GRIK2: variants seen among roughly 807,000 people sequenced by gnomAD.
The protein encoded by GRIK2 is glutamate receptor ionotropic, kainate 2.
A neutral mutation model predicts 100.3 loss-of-function variants in GRIK2; 32 were observed. The ratio of observed to expected loss-of-function variants is 0.32; its 90% CI spans 0.24 to 0.43. GRIK2 has a LOEUF of 0.43. GRIK2 is among the 20% of genes least tolerant of loss of function. The pLI, the probability that GRIK2 is intolerant of heterozygous loss-of-function variation, is 1.00. For synonymous variants in GRIK2, 417 were observed against 389.4 expected, an observed-to-expected ratio of 1.07 and a Z score of -0.83; for missense variants, 843 against 1,114.9, an observed-to-expected ratio of 0.76 and a Z score of 3.47.
chr6:101,990,774 G>T (rs56339456), intron 14 of GRIK2, among the ~76,000 whole-genome samples: 17,058 of 151,346 alleles, frequency 0.11, 2,686 homozygotes, highest in African/African-American at 0.35. Flanking sequence ...AAATTACAAT[G>T]GACATAAATA....
intron 14 of GRIK2, among the ~76,000 whole-genome samples, chr6:102,020,453 A>G (rs762824478): frequency 3.3e-5 from 5 of 151,946 alleles, no homozygotes; most frequent in Middle Eastern, 3.4e-3. Context: ...AGGAAACATC[A>G]GGGTAAGGAG....
intron 4 of GRIK2, among the ~76,000 whole-genome samples, chr6:101,642,417 A>G (rs1054629896): frequency 4.6e-5 from 7 of 151,778 alleles, no homozygotes; most frequent in African/African-American, 1.7e-4. Flanking sequence ...CATAGTCTCC[A>G]GAAACCACCA....
chr6:101,899,538 T>C lies in GRIK2; in HGVS notation c.1748+9675T>C, dbSNP rs141880408. ...TCTAACTTATATAAAGGATGATTTT[T>C]CTCTTTCCCCGCCTGGATATAACAT... On this transcript the variant is annotated intron_variant, in intron 12 of 16. Coordinates refer to ENST00000369134, the MANE Select transcript of GRIK2 (RefSeq NM_021956.5). 8.0e-3 allele frequency among the ~76,000 whole-genome samples: 1,211 copies of C among 152,228 alleles called. 23 individuals are homozygous for C. The highest frequency in any genetic ancestry group is 0.028 in the African/African-American group (1,147 of 41,562).
chr6:101,682,673 GT>G (rs1192999429), intron 6 of GRIK2, 67 bp downstream of exon 6: 3 of 731,696 alleles, frequency 4.1e-6, no homozygotes, highest in South Asian at 1.7e-5. Context: ...TGAAAAATAG[GT>G]TTTTTAGTAA....
intron 4 of GRIK2, among the ~76,000 whole-genome samples, chr6:101,663,901 A>G (rs1283356158): frequency 6.6e-6 from 1 of 152,142 alleles, no homozygotes; most frequent in East Asian, 1.9e-4. Context: ...ACTCCCACCA[A>G]ATCACACCAG....
chr6:101,728,829 C>A (rs1339052986), intron 7 of GRIK2, among the ~76,000 whole-genome samples: 2 of 152,036 alleles, frequency 1.3e-5, no homozygotes, highest in Non-Finnish European at 2.9e-5. Context: ...TGCCCAACCC[C>A]AAACTAATAA....
chr6:101,457,737 C>A (rs1488920197), intron 2 of GRIK2, among the ~76,000 whole-genome samples: 1 of 152,000 alleles, frequency 6.6e-6, no homozygotes, highest in African/African-American at 2.4e-5. Context: ...TCACAGTTTA[C>A]TTCTTTGAAT....
chr6:101,548,464 T>TC (rs1776355248), intron 2 of GRIK2, among the ~76,000 whole-genome samples: 1 of 152,222 alleles, frequency 6.6e-6, no homozygotes, highest in South Asian at 2.1e-4. Flanking sequence ...GTCTAACGTT[T>TC]AAGTCTTTAA....
chr6:101,494,972 TA>T (rs1362204215), intron 2 of GRIK2, among the ~76,000 whole-genome samples: 98 of 18,866 alleles, frequency 5.2e-3, no homozygotes, highest in African/African-American at 0.025. Context: ...TATATGCATT[TA>T]TATATATATA....
intron 7 of GRIK2, among the ~76,000 whole-genome samples, chr6:101,713,601 T>A (rs1215226578): frequency 1.3e-5 from 2 of 151,856 alleles, no homozygotes; most frequent in Non-Finnish European, 2.9e-5. Flanking sequence ...TTGAAGAAGC[T>A]ACTTTGACAT....
At chr6:101,429,831 A>T (rs1291672177) in intron 2 of GRIK2, among the ~76,000 whole-genome samples, 1 of 152,218 alleles carries the variant, frequency 6.6e-6, no homozygotes, top group East Asian at 1.9e-4. Context: ...GTGTGCAAAA[A>T]TATCTTACAT....
intron 12 of GRIK2, among the ~76,000 whole-genome samples, chr6:101,898,477 G>GA (rs139240098): frequency 0.032 from 4,800 of 149,464 alleles, 220 homozygotes; most frequent in African/African-American, 0.1. Context: ...ATAATTCCTT[G>GA]AAAAAAAAAT....
At chr6:101,406,706 A>G (rs375164588) in intron 2 of GRIK2, among the ~76,000 whole-genome samples, 15 of 152,294 alleles carry the variant, frequency 9.8e-5, no homozygotes, top group African/African-American at 3.6e-4. Flanking sequence ...GGAGGCTGAG[A>G]AAAGAGAGAA....
chr6:101,476,945 C>T (rs545328500), intron 2 of GRIK2, among the ~76,000 whole-genome samples: 5 of 152,182 alleles, frequency 3.3e-5, no homozygotes, highest in Admixed American at 1.3e-4. Flanking sequence ...TTAAAATATT[C>T]GAGTCTTAAG....
intron 15 of GRIK2, among the ~76,000 whole-genome samples, chr6:102,043,178 TATA>T (rs1562133874): frequency 1.3e-5 from 2 of 151,840 alleles, no homozygotes; most frequent in South Asian, 4.1e-4. Flanking sequence ...ACTAAACAGT[TATA>T]ATGTGTATAT....
intron 2 of GRIK2, among the ~76,000 whole-genome samples, chr6:101,525,300 CAGT>C (rs1370504545): frequency 6.6e-6 from 1 of 152,138 alleles, no homozygotes; most frequent in Non-Finnish European, 1.5e-5. Context: ...TCTATATTAT[CAGT>C]AGGATGAATA....
intron 2 of GRIK2, among the ~76,000 whole-genome samples, chr6:101,602,791 A>T (rs943433150): frequency 6.6e-6 from 1 of 151,718 alleles, no homozygotes; most frequent in Non-Finnish European, 1.5e-5. Flanking sequence ...TAGAATCAGT[A>T]TAGAAAGAAA....
At chr6:101,658,455 G>T (rs1002074800) in intron 4 of GRIK2, among the ~76,000 whole-genome samples, 1 of 152,150 alleles carries the variant, frequency 6.6e-6, no homozygotes, top group African/African-American at 2.4e-5. Flanking sequence ...GTCTATCATT[G>T]ATGGGCATTT....
At chr6:101,600,163 T>A (rs1449312042) in intron 2 of GRIK2, among the ~76,000 whole-genome samples, 1 of 151,888 alleles carries the variant, frequency 6.6e-6, no homozygotes, top group Non-Finnish European at 1.5e-5. Flanking sequence ...GGAGTCCTTT[T>A]TATCATTGCT....
Sources: allele counts gnomAD v4.1 joint callset (sites outside exome capture counted in the v4.1 genomes callset), GRCh38; gene constraint gnomAD v4.1.1; transcripts MANE v1.5; gene names NCBI Gene and HGNC (gene_info 2026-07-23, HGNC 2026-07-21).